Variants in THSD4 observed in about 807,000 individuals in gnomAD.
The protein encoded by THSD4 is thrombospondin type-1 domain-containing protein 4.
THSD4 carries 69 observed loss-of-function variants against 119.0 expected under a neutral mutation model. The ratio of observed to expected loss-of-function variants is 0.58; its 90% CI spans 0.48 to 0.71. The LOEUF is 0.71. Ranked by LOEUF, THSD4 falls within the 30% of genes least tolerant of loss-of-function variation. The pLI is 0.00. For missense variants in THSD4, 1,393 were observed against 1,391.1 expected, an observed-to-expected ratio of 1.00 and a Z score of -0.02; for synonymous variants, 524 against 540.4, an observed-to-expected ratio of 0.97 and a Z score of 0.42.
At chr15:71,223,601 A>G (rs896969884) in intron 4 of THSD4, among the ~76,000 whole-genome samples, 1 of 152,276 alleles carries the variant, frequency 6.6e-6, no homozygotes, top group Non-Finnish European at 1.5e-5. Context: ...AATTCAGCCA[A>G]TATTCTTTGT....
intron 6 of THSD4, among the ~76,000 whole-genome samples, chr15:71,271,223 A>G (rs1420009976): frequency 6.6e-6 from 1 of 152,220 alleles, no homozygotes; most frequent in Non-Finnish European, 1.5e-5. Context: ...AACAACCCAA[A>G]TATCCATCAA....
chr15:71,395,275 A>T (rs1425030347), intron 6 of THSD4, among the ~76,000 whole-genome samples: 1 of 152,174 alleles, frequency 6.6e-6, no homozygotes, highest in Admixed American at 6.6e-5. Context: ...AGTAGCCAAG[A>T]GCCCTCTGGG....
At chr15:71,537,733 T>G (rs367629483) in intron 7 of THSD4, among the ~76,000 whole-genome samples, 2 of 152,184 alleles carry the variant, frequency 1.3e-5, no homozygotes, top group African/African-American at 4.8e-5. Context: ...CTCTACTGTG[T>G]ATTTGGCTTT....
At chr15:71,712,450 A>G (rs1468672243) in intron 8 of THSD4, among the ~76,000 whole-genome samples, 1 of 152,208 alleles carries the variant, frequency 6.6e-6, no homozygotes, top group African/African-American at 2.4e-5. Context: ...GTGATGTTCA[A>G]CCTTGAGAAA....
chr15:71,664,107 C>G (rs898447903), intron 8 of THSD4, among the ~76,000 whole-genome samples: 9 of 151,950 alleles, frequency 5.9e-5, no homozygotes, highest in Admixed American at 2.6e-4. Context: ...CTCAGCCTCC[C>G]GAGTAGCTGG....
chr15:71,738,183 C>T lies in THSD4; in HGVS notation c.1906+176C>T, dbSNP rs1004637928. ...TGGTTTCTGGGTGAAACTGCCCTATCGCAGATCATCAGGCATTAGTTAGAG... is the reference window on the plus strand; with the variant it reads ...TGGTTTCTGGGTGAAACTGCCCTATTGCAGATCATCAGGCATTAGTTAGAG... On this transcript the variant is annotated intron_variant, in intron 11 of 17. Coordinates refer to ENST00000261862, the MANE Select transcript of THSD4 (RefSeq NM_024817.3). 1.0e-5 allele frequency: 8 copies of T among 774,164 alleles called. No individual in the cohort carries two copies. In the African/African-American group the frequency reaches 1.0e-4, roughly 10 times the overall value. 48.0% of individuals were successfully genotyped at this position (774,164 alleles called of 1,614,324 possible).
At chr15:71,529,926 C>T (rs746365404) in intron 7 of THSD4, among the ~76,000 whole-genome samples, 11 of 152,214 alleles carry the variant, frequency 7.2e-5, no homozygotes, top group Middle Eastern at 3.4e-3. Context: ...GGGATATGCT[C>T]GGGAGTTATG....
chr15:71,621,276 A>C (rs1292177070), intron 7 of THSD4, among the ~76,000 whole-genome samples: 1 of 152,238 alleles, frequency 6.6e-6, no homozygotes, highest in Non-Finnish European at 1.5e-5. Context: ...AATTGCTGTC[A>C]AGATATTGAC....
chr15:71,688,184 T>A (rs2051958809), intron 8 of THSD4, among the ~76,000 whole-genome samples: 1 of 152,242 alleles, frequency 6.6e-6, no homozygotes, highest in Admixed American at 6.5e-5. Flanking sequence ...ATGATTTTGA[T>A]TTATTGACTG....
intron 7 of THSD4, among the ~76,000 whole-genome samples, chr15:71,439,070 A>G (rs1191916150): frequency 1.3e-5 from 2 of 152,200 alleles, no homozygotes; most frequent in Non-Finnish European, 2.9e-5. Context: ...TGGAAAATTT[A>G]TTGAAAAATG....
chr15:71,248,763 T>A (rs2044229429), intron 5 of THSD4, among the ~76,000 whole-genome samples: 1 of 152,178 alleles, frequency 6.6e-6, no homozygotes, highest in African/African-American at 2.4e-5. Context: ...TGGCGTGCTC[T>A]CTGCAGGCAG....
intron 7 of THSD4, among the ~76,000 whole-genome samples, chr15:71,429,613 A>G (rs1209757977): frequency 2.0e-5 from 3 of 152,202 alleles, no homozygotes; most frequent in African/African-American, 7.2e-5. Context: ...AGGGTTGAGA[A>G]GCAGGAGCAG....
At chr15:71,541,473 T>A (rs2048758875) in intron 7 of THSD4, among the ~76,000 whole-genome samples, 2 of 152,326 alleles carry the variant, frequency 1.3e-5, no homozygotes, top group South Asian at 4.1e-4. Context: ...CCATTGTTGG[T>A]AGTCTCCAGT....
rs528659423 is a variant in THSD4, at chr15:71,476,362, G to C, written c.1152+64539G>C. 1.5e-4 allele frequency among the ~76,000 whole-genome samples: 23 copies of C among 152,298 alleles called. 1 individual carries two copies. The South Asian group carries it at 3.1e-3, about 21-fold the overall frequency. Reference sequence around the variant, plus strand: ...TTCTCCTGCCTCAGCCTCCAGAGTAGTTGGGATTACTAGTAGCGGGAGGCA... The same window carrying C: ...TTCTCCTGCCTCAGCCTCCAGAGTACTTGGGATTACTAGTAGCGGGAGGCA... On this transcript the variant is annotated intron_variant, in intron 7 of 17. Transcript: ENST00000261862.
intron 6 of THSD4, among the ~76,000 whole-genome samples, chr15:71,278,032 T>A (rs2044611767): frequency 1.3e-5 from 2 of 152,240 alleles, no homozygotes; most frequent in South Asian, 4.1e-4. Context: ...CCACCACTAC[T>A]GCCTCCCGCC....
intron 3 of THSD4, among the ~76,000 whole-genome samples, chr15:71,204,293 A>G (rs987712642): frequency 6.6e-6 from 1 of 152,156 alleles, no homozygotes; most frequent in Non-Finnish European, 1.5e-5. Context: ...ATCACATCCA[A>G]ATATTTACCT....
chr15:71,578,542 G>T (rs1163060584), intron 7 of THSD4, among the ~76,000 whole-genome samples: 1 of 151,984 alleles, frequency 6.6e-6, no homozygotes, highest in East Asian at 1.9e-4. Context: ...TCGCCATGTT[G>T]CCCAGGCTGG....
intron 6 of THSD4, among the ~76,000 whole-genome samples, chr15:71,379,456 T>C (rs2046198220): frequency 8.5e-6 from 1 of 117,850 alleles, no homozygotes; most frequent in Non-Finnish European, 1.8e-5. Context: ...GCTTCTTTTT[T>C]TTTTTTTTTT....
intron 6 of THSD4, among the ~76,000 whole-genome samples, chr15:71,334,626 C>G (rs886509320): frequency 1.6e-4 from 25 of 152,334 alleles, no homozygotes; most frequent in South Asian, 1.0e-3. Flanking sequence ...TGGCATTGAC[C>G]AAGGCTGCGG....
Sources: allele counts gnomAD v4.1 joint callset (sites outside exome capture counted in the v4.1 genomes callset), GRCh38; gene constraint gnomAD v4.1.1; transcripts MANE v1.5; gene names NCBI Gene and HGNC (gene_info 2026-07-23, HGNC 2026-07-21).